The following ERBB2 variants were observed in gnomAD, a reference collection of about 807,000 sequenced individuals.
ERBB2 encodes receptor tyrosine-protein kinase erbB-2.
A neutral mutation model predicts 149.0 loss-of-function variants in ERBB2; 61 were observed. The ratio of observed to expected loss-of-function variants is 0.41; its 90% CI spans 0.33 to 0.51. ERBB2 has a LOEUF of 0.51. Ranked by LOEUF, ERBB2 falls within the 20% of genes least tolerant of loss-of-function variation. The probability of loss-of-function intolerance (pLI) is 0.25; values close to 1 mark genes in which losing one functional copy is unlikely to be tolerated. For missense variants in ERBB2, 1,205 were observed against 1,655.1 expected (o/e 0.73, Z 4.72); for synonymous variants, 633 against 678.8 (o/e 0.93, Z 1.05).
At chr17:39,692,473 T>G (rs1340380835), upstream of ERBB2, among the ~76,000 whole-genome samples, 1 of 151,656 alleles carries the variant, frequency 6.6e-6, no homozygotes, top group Non-Finnish European at 1.5e-5. Context: ...TGGCGCGATC[T>G]TAGCTCACTG....
In ERBB2 at chr17:39,712,052, C is replaced by T; in HGVS notation, c.1021+5C>T. 1 of 1,613,844 alleles carries T rather than the reference C, an allele frequency of 6.2e-7. No individual in the cohort carries two copies. Among genetic ancestry groups the T allele is most frequent in the South Asian group, 1.1e-5 (1 of 91,052 alleles). On this transcript the variant is annotated splice_donor_5th_base_variant and intron_variant, in intron 8 of 26. Coordinates refer to ENST00000269571, the MANE Select transcript of ERBB2 (RefSeq NM_004448.4). ...GCAGCAAGCCCTGTGCCCGAGGTAC[C>T]CACTCACTGCCCCCGAGGCCAGCTG...
At chr17:39,699,559 T>C (rs1045441613), upstream of ERBB2, 6 of 1,534,450 alleles carry the variant, frequency 3.9e-6, no homozygotes, top group African/African-American at 6.9e-5. Flanking sequence ...TTCCAGAAGA[T>C]ATGCCCCGGG....
intron 9 of ERBB2, among the ~76,000 whole-genome samples, chr17:39,712,911 C>A (rs889501668): frequency 6.6e-6 from 1 of 152,154 alleles, no homozygotes; most frequent in Admixed American, 6.5e-5. Context: ...ACTGTCTGAT[C>A]CCCTTTATGT....
chr17:39,710,240 C>T (rs1434264593), intron 6 of ERBB2, 39 bp downstream of exon 6: 1 of 1,608,032 alleles, frequency 6.2e-7, no homozygotes, highest in East Asian at 2.2e-5. Flanking sequence ...GCTCTACCCC[C>T]CAGGATGCAA....
chr17:39,714,793 CAG>C (rs1179745633), intron 9 of ERBB2, among the ~76,000 whole-genome samples: 2 of 146,376 alleles, frequency 1.4e-5, no homozygotes, highest in East Asian at 2.0e-4. Flanking sequence ...TTTTTTGAGA[CAG>C]AGTCTCGCTT....
At chr17:39,707,874 T>C in intron 2 of ERBB2, 1 of 158,796 alleles carries the variant, frequency 6.3e-6, no homozygotes, top group Non-Finnish European at 1.4e-5. Flanking sequence ...GGCACATGCC[T>C]ATAATCCCAG....
At chr17:39,716,044 CT>C in intron 12 of ERBB2, 105 bp downstream of exon 12, 1 of 1,209,270 alleles carries the variant, frequency 8.3e-7, no homozygotes. Flanking sequence ...CTGCCCGTCT[CT>C]GTGCACCCTT....
chr17:39,710,545 A>T, intron 7 of ERBB2, 64 bp downstream of exon 7: 1 of 1,573,046 alleles, frequency 6.4e-7, no homozygotes. Context: ...TGTAAATGGG[A>T]GCATATGGGG....
At chr17:39,713,561 G>A (rs993869486) in intron 9 of ERBB2, among the ~76,000 whole-genome samples, 1 of 149,484 alleles carries the variant, frequency 6.7e-6, no homozygotes, top group African/African-American at 2.4e-5. Flanking sequence ...GACCAGCCTG[G>A]CCAACATGGT....
rs183606253 is a variant in ERBB2, at chr17:39,704,305, G to A, written c.74-2685G>A. Among the ~76,000 whole-genome samples the A allele has an allele frequency of 1.1e-3, 172 of 152,232 alleles. 3 individuals carry two copies. In the East Asian group the frequency reaches 0.024, roughly 22 times the overall value. The stretch of plus-strand genomic sequence containing the variant: ...AGGAAATCAACGGGGACCAGGTGCC[G>A]TGGCTCACACCTGTAATCCCAGCAC... On this transcript the variant is annotated intron_variant, in intron 1 of 26. Transcript: ENST00000269571.
intron 4 of ERBB2, 75 bp downstream of exon 4, chr17:39,709,527 C>T (rs115269951): frequency 1.3e-4 from 202 of 1,549,050 alleles, no homozygotes; most frequent in Middle Eastern, 7.7e-4. Flanking sequence ...ACTTACAACC[C>T]AGTGCCTGCC....
rs965800810 is a variant in ERBB2 at position 39,723,900 on chromosome 17, C to T, written c.2209-12C>T. The stretch of plus-strand genomic sequence containing the variant: ...ACGCTCTTCTCACTCATATCCTCCT[C>T]TTTCTGCCCAGGGCATCTGGATCCC... On this transcript the variant is annotated splice_polypyrimidine_tract_variant and intron_variant, in intron 18 of 26. Transcript: ENST00000269571. The surrounding 1 kb of genome is among the most constrained non-coding windows in gnomAD (Gnocchi z 6.2). 24 of 1,610,534 alleles carry T rather than the reference C, an allele frequency of 1.5e-5. No homozygotes were observed. Among genetic ancestry groups the T allele is most frequent in the Non-Finnish European group, 2.0e-5 (24 of 1,176,826 alleles).
intron 1 of ERBB2, among the ~76,000 whole-genome samples, chr17:39,702,542 T>C (rs146578848): frequency 1.1e-4 from 16 of 152,336 alleles, no homozygotes; most frequent in Admixed American, 4.6e-4. Context: ...CTCTCTTTAC[T>C]ATACTTGGGG....
In ERBB2 at chr17:39,726,332, CA is replaced by C; in HGVS notation, c.2873-223del. 3.7e-6 allele frequency: 2 copies of C among 544,362 alleles called. No homozygotes were observed. Among genetic ancestry groups the C allele is most frequent in the Non-Finnish European group, 6.6e-6 (2 of 304,314 alleles). 33.7% of individuals were successfully genotyped at this position (544,362 alleles called of 1,614,324 possible). A position where few individuals can be genotyped will look rare whatever the true frequency, so the allele number is the denominator to read the frequency against. ...TGGGTGACAGAGCGAAACCTCATCT[CA>C]AAAAAATAAAAAAGCAAACAAAAAG... On this transcript the variant is annotated intron_variant, in intron 23 of 26. Transcript: ENST00000269571. The surrounding 1 kb of genome is among the most constrained non-coding windows in gnomAD (Gnocchi z 5.1).
chr17:39,695,182 G>GTGA (rs1385916380), upstream of ERBB2: 1 of 152,448 alleles, frequency 6.6e-6, no homozygotes, highest in Admixed American at 6.5e-5. Flanking sequence ...CAAAAGTGAG[G>GTGA]TGAGTCGCAG....
Position 39,725,486 on chromosome 17 carries a change from G to A in ERBB2, c.2725+84G>A, listed in dbSNP as rs1334334042. On this transcript the variant is annotated intron_variant, in intron 22 of 26. Transcript: ENST00000269571. This position sits in a 1 kb window ranked among gnomAD's most constrained non-coding sequence, Gnocchi z 4.6. Reference sequence around the variant, plus strand: ...AGAGCTGGGATGGGGAGAATTACGGGGCCACCTCAGCATGTGAAGGGAGGG... The same window carrying A: ...AGAGCTGGGATGGGGAGAATTACGGAGCCACCTCAGCATGTGAAGGGAGGG... 25 of 1,424,234 alleles carry A rather than the reference G, an allele frequency of 1.8e-5. No individual in the cohort carries two copies. The highest frequency in any genetic ancestry group is 2.4e-5 in the Non-Finnish European group (24 of 1,016,670). 88.2% of individuals were successfully genotyped at this position (1,424,234 alleles called of 1,614,324 possible).
Position 39,728,435 on chromosome 17 carries a change from TC to T in ERBB2, c.*394del. 1 of 261,534 alleles carries T rather than the reference TC, an allele frequency of 3.8e-6. No individual in the cohort carries two copies. The highest frequency in any genetic ancestry group is 5.7e-5 in the East Asian group (1 of 17,624). The allele number at this position is 261,534 out of a possible 1,614,324, so 16.2% of individuals were successfully genotyped here. A position where few individuals can be genotyped will look rare whatever the true frequency, so the allele number is the denominator to read the frequency against. On this transcript the variant is annotated 3_prime_UTR_variant, in exon 27 of 27. Transcript: ENST00000269571. ...ACAAAAGCGACCCATTCAGAGACTG[TC>T]CCTGAAACCTAGTACTGCCCCCCAT...
rs2145436766 is a variant in ERBB2, at chr17:39,708,324, A to G, written c.229A>G (p.Ile77Val). ...TNASLSFLQD[I>V]QEVQGYVLIA... is the part of the protein sequence containing the mutation. ...CCACTCTGCTTCCCCCTCCCAGGAT[A>G]TCCAGGAGGTGCAGGGCTACGTGCT... The change falls in exon 3 of 27, where the codon ATC becomes GTC. Residue 77 changes from isoleucine to valine, a missense_variant. Coordinates refer to ENST00000269571, the MANE Select transcript of ERBB2 (RefSeq NM_004448.4). 2 of 1,612,242 alleles carry G rather than the reference A, an allele frequency of 1.2e-6. No homozygotes were observed. Among genetic ancestry groups the G allele is most frequent in the Non-Finnish European group, 1.7e-6 (2 of 1,178,428 alleles).
In ERBB2 at chr17:39,712,553, G is replaced by T. The variant is rs1000103734; in HGVS notation, c.1148+105G>T. The T allele has an allele frequency of 2.2e-6, 3 of 1,366,136 alleles. No homozygotes were observed. In the South Asian group the frequency reaches 4.0e-5, roughly 18 times the overall value. The allele number at this position is 1,366,136 out of a possible 1,614,324, so 84.6% of individuals were successfully genotyped here. On this transcript the variant is annotated intron_variant, in intron 9 of 26. Transcript: ENST00000269571. Reference sequence around the variant, plus strand: ...GGATGGCAGGAGACAGAAGTGGGGGGATCAAGAATGCAAAGAAAGCAGATG... The same window carrying T: ...GGATGGCAGGAGACAGAAGTGGGGGTATCAAGAATGCAAAGAAAGCAGATG...
Sources: allele counts gnomAD v4.1 joint callset (sites outside exome capture counted in the v4.1 genomes callset), GRCh38; gene constraint gnomAD v4.1.1; non-coding constraint Gnocchi (gnomAD v3.1); transcripts MANE v1.5; gene names NCBI Gene and HGNC (gene_info 2026-07-23, HGNC 2026-07-21).